HLA-DRB1: variants seen among roughly 807,000 people sequenced by gnomAD.
HLA-DRB1 encodes major histocompatibility complex, class II, DR beta 1 precursor.
In HLA-DRB1, 10 loss-of-function variants were observed where a neutral mutation model predicts 27.9. The observed-to-expected ratio is 0.36, with a 90% CI of 0.22 to 0.61. The LOEUF is 0.61. Among genes scored for constraint, HLA-DRB1 ranks in the 20% least tolerant of loss-of-function variants. HLA-DRB1 has a pLI of 0.73. For missense variants in HLA-DRB1, 118 were observed against 306.3 expected (o/e 0.39, Z 4.59); for synonymous variants, 57 against 126.7 (o/e 0.45, Z 3.69).
Position 32,588,558 on chromosome 6 carries a change from A to AGAG in HLA-DRB1, c.100+1084_100+1085insCTC, listed in dbSNP as rs28986207. The stretch of plus-strand genomic sequence containing the variant: ...TGACAACATAGCTGGGGAAAAATAG[A>AGAG]AACTGGAGGAAGAGGTAAGCAGACA... On this transcript the variant is annotated intron_variant, in intron 1 of 5. Transcript: ENST00000360004. 2.8e-3 allele frequency among the ~76,000 whole-genome samples: 185 copies of AGAG among 64,924 alleles called. 2 individuals carry two copies. The highest frequency in any genetic ancestry group is 0.013 in the Middle Eastern group (1 of 78). 42.6% of individuals were successfully genotyped at this position (64,924 alleles called of 152,430 possible).
intron 2 of HLA-DRB1, among the ~76,000 whole-genome samples, chr6:32,583,081 T>C (rs9269875): frequency 1.0e-3 from 107 of 104,752 alleles, no homozygotes; most frequent in African/African-American, 1.4e-3. Flanking sequence ...TTAATAATCT[T>C]ATAGTACAAA....
chr6:32,583,851 C>A (rs1265873275), intron 2 of HLA-DRB1, among the ~76,000 whole-genome samples: 1 of 69,154 alleles, frequency 1.4e-5, no homozygotes, highest in Non-Finnish European at 3.0e-5. Flanking sequence ...GAAACAGCCC[C>A]CTCCTGCCTC....
intron 1 of HLA-DRB1, among the ~76,000 whole-genome samples, chr6:32,588,553 A>AG (rs34207196): frequency 0.021 from 1,212 of 56,392 alleles, 8 homozygotes; most frequent in East Asian, 0.056. Flanking sequence ...GCTGGGGAAA[A>AG]ATAGAAACTG....
intron 2 of HLA-DRB1, among the ~76,000 whole-genome samples, chr6:32,582,479 GGT>G (rs1191628105): frequency 4.8e-5 from 4 of 83,290 alleles, no homozygotes; most frequent in Admixed American, 2.7e-4. Flanking sequence ...GACAGAGTTG[GGT>G]ACATGAGGAA....
At chr6:32,582,288 C>T (rs41293188) in intron 2 of HLA-DRB1, among the ~76,000 whole-genome samples, 40,881 of 115,702 alleles carry the variant, frequency 0.35, 9,684 homozygotes, top group Middle Eastern at 0.48. Context: ...AGGATTAATG[C>T]ACGTAAAATA....
intron 1 of HLA-DRB1, among the ~76,000 whole-genome samples, chr6:32,585,858 T>G (rs200272928): frequency 6.9e-6 from 1 of 145,378 alleles, no homozygotes; most frequent in Non-Finnish European, 1.5e-5. Context: ...TCCAGAGATG[T>G]ATATGTTTTT....
At chr6:32,586,201 T>C (rs1776364148) in intron 1 of HLA-DRB1, among the ~76,000 whole-genome samples, 1 of 123,898 alleles carries the variant, frequency 8.1e-6, no homozygotes, top group Admixed American at 9.2e-5. Flanking sequence ...TTCAGCTTCT[T>C]TAGCCTTTTC....
rs777761484 is a variant in HLA-DRB1 at position 32,580,863 on chromosome 6, G to A, written c.653-7C>T. On this transcript the variant is annotated splice_region_variant and splice_polypyrimidine_tract_variant and intron_variant, in intron 3 of 5. Coordinates refer to ENST00000360004, the Ensembl canonical transcript of HLA-DRB1. The stretch of plus-strand genomic sequence containing the variant: ...GCAGATTCAGACCGTGCTCCTGAGA[G>A]AGGAAGCCAGGTTTAGTGATGTTTA... 2.5e-6 allele frequency: 4 copies of A among 1,607,962 alleles called. No individual in the cohort carries two copies. Among genetic ancestry groups the A allele is most frequent in the Non-Finnish European group, 3.4e-6 (4 of 1,176,522 alleles).
At chr6:32,578,815 A>G (rs1141883) in exon 6 of HLA-DRB1, 195,979 of 276,668 alleles carry the variant, frequency 0.71, 78,572 homozygotes, top group African/African-American at 0.79. Context: ...TGTGTTTGTC[A>G]TACAGGGTGA....
chr6:32,581,101 G>T lies in HLA-DRB1; in HGVS notation c.653-245C>A, dbSNP rs796884422. On this transcript the variant is annotated intron_variant, in intron 3 of 5. Coordinates refer to ENST00000360004, the Ensembl canonical transcript of HLA-DRB1. Reference sequence around the variant, plus strand: ...AAGTTCAACATCTGATCCACAGAAAGCCTGAGACTCAATGAGGATAAGTAG... The same window carrying T: ...AAGTTCAACATCTGATCCACAGAAATCCTGAGACTCAATGAGGATAAGTAG... Among the ~76,000 whole-genome samples the T allele has an allele frequency of 6.8e-3, 531 of 77,690 alleles. 12 individuals are homozygous for T. The highest frequency in any genetic ancestry group is 0.011 in the Middle Eastern group (2 of 178). 51.0% of individuals were successfully genotyped at this position (77,690 alleles called of 152,430 possible). A position where few individuals can be genotyped will look rare whatever the true frequency, so the allele number is the denominator to read the frequency against.
intron 1 of HLA-DRB1, among the ~76,000 whole-genome samples, chr6:32,584,668 C>T (rs28724128): frequency 0.1 from 13,839 of 133,422 alleles, 2 homozygotes; most frequent in Admixed American, 0.17. Flanking sequence ...GGAGGATCCG[C>T]CCAGCACCGC....
At chr6:32,579,006 T>C (rs182030800) in exon 6 of HLA-DRB1, 9,200 of 529,652 alleles carry the variant, frequency 0.017, 1,745 homozygotes, top group South Asian at 0.078. Context: ...CCCTCTCTTG[T>C]GGAAGAATAA....
chr6:32,581,398 AAACAC>A (rs1775462155), intron 3 of HLA-DRB1, among the ~76,000 whole-genome samples, 154 bp downstream of exon 3: 1 of 74,048 alleles, frequency 1.4e-5, no homozygotes, highest in East Asian at 4.0e-4. Context: ...GTGTTTCTAG[AAACAC>A]CTACAGGGCT....
Position 32,580,290 on chromosome 6 carries a change from AT to A in HLA-DRB1, c.764-21del. On this transcript the variant is annotated intron_variant, in intron 4 of 5. Transcript: ENST00000360004. Reference sequence around the variant, plus strand: ...AGTGTCCTGGGAAAAAGAGGAAAAGATATACACTTAAAAGTTATTGAAGCAA... The same window carrying A: ...AGTGTCCTGGGAAAAAGAGGAAAAGAATACACTTAAAAGTTATTGAAGCAA... 1.0e-6 allele frequency: 1 copy of A among 986,330 alleles called. No homozygotes were observed. Among genetic ancestry groups the A allele is most frequent in the Non-Finnish European group, 1.5e-6 (1 of 671,942 alleles). 61.1% of individuals were successfully genotyped at this position (986,330 alleles called of 1,614,324 possible). A position where few individuals can be genotyped will look rare whatever the true frequency, so the allele number is the denominator to read the frequency against.
At chr6:32,580,723 G>C (rs116474679) in intron 4 of HLA-DRB1, 23 bp downstream of exon 4, 165,446 of 1,094,346 alleles carry the variant, frequency 0.15, 1 homozygote, top group Non-Finnish European at 0.18. Context: ...TATGGAGAGA[G>C]CCAGCTCCCA....
In HLA-DRB1 at chr6:32,589,513, A is replaced by ATAC. The variant is rs9281897; in HGVS notation, c.100+129_100+130insGTA. On this transcript the variant is annotated intron_variant, in intron 1 of 5. Coordinates refer to ENST00000360004, the Ensembl canonical transcript of HLA-DRB1. The stretch of plus-strand genomic sequence containing the variant: ...TTATGGAGGAAATAATTTGGGATCC[A>ATAC]ATGATAAAGATGGGCAATCTCTGAA... The ATAC allele has an allele frequency of 3.2e-3, 918 of 289,136 alleles. 2 individuals are homozygous for ATAC. Among genetic ancestry groups the ATAC allele is most frequent in the African/African-American group, 5.3e-3 (155 of 29,478 alleles). 17.9% of individuals were successfully genotyped at this position (289,136 alleles called of 1,614,324 possible).
At chr6:32,588,503 T>A (rs1361463955) in intron 1 of HLA-DRB1, among the ~76,000 whole-genome samples, 1 of 71,716 alleles carries the variant, frequency 1.4e-5, no homozygotes, top group Non-Finnish European at 2.9e-5. Context: ...GCTAAGGTTC[T>A]GTGCAAGCTT....
At chr6:32,581,812 A>C (rs2308760) in exon 3 of HLA-DRB1, 358,457 of 1,104,760 alleles carry the variant, frequency 0.32, 67,521 homozygotes, top group Middle Eastern at 0.47. Context: ...TGGGTCTTTG[A>C]AGGATATACA....
chr6:32,584,106 C>A lies in HLA-DRB1; in HGVS notation c.370+3G>T. 1 of 1,309,034 alleles carries A rather than the reference C, an allele frequency of 7.6e-7. No homozygotes were observed. The highest frequency in any genetic ancestry group is 1.2e-5 in the South Asian group (1 of 81,678). 81.1% of individuals were successfully genotyped at this position (1,309,034 alleles called of 1,614,324 possible). On this transcript the variant is annotated splice_donor_region_variant and intron_variant, in intron 2 of 5. Transcript: ENST00000360004. Reference sequence around the variant, plus strand: ...CTCAGGCCCCGCCCGCGGCCATGCTCACCTCGCCGCTGCACTGTGAAGCTC... The same window carrying A: ...CTCAGGCCCCGCCCGCGGCCATGCTAACCTCGCCGCTGCACTGTGAAGCTC...
Sources: allele counts gnomAD v4.1 joint callset (sites outside exome capture counted in the v4.1 genomes callset), GRCh38; gene constraint gnomAD v4.1.1; transcripts MANE v1.5; gene names NCBI Gene and HGNC (gene_info 2026-07-23, HGNC 2026-07-21).